The following COCH variants were observed in gnomAD, a reference collection of about 807,000 sequenced individuals.
The protein encoded by COCH is cochlin, also known as coagulation factor C homolog, cochlin (Limulus polyphemus).
A neutral mutation model predicts 54.8 loss-of-function variants in COCH; 40 were observed. The observed-to-expected ratio is 0.73, with a 90% CI of 0.57 to 0.95. The LOEUF (loss-of-function observed/expected upper bound fraction) is 0.95. Ranked by LOEUF, COCH falls within the 40% of genes least tolerant of loss-of-function variation. The pLI is 0.00. For synonymous variants in COCH, 256 were observed against 237.9 expected (o/e 1.08, Z -0.70); for missense variants, 605 against 675.0 (o/e 0.90, Z 1.15).
Position 30,885,963 on chromosome 14 carries a change from C to G in COCH, c.1128C>G (p.Ser376Arg). ...VNIAFLIDGS[S>R]SVGDSNFRLM... ...TTGCCTTTCTAATTGATGGCTCCAG[C>G]AGTGTTGGAGATAGCAATTTCCGCC... The change falls in exon 11 of 12, where the codon AGC becomes AGG. Residue 376 changes from serine (S) to arginine (R), a missense_variant. Transcript: ENST00000396618. 6.2e-7 allele frequency: 1 copy of G among 1,614,186 alleles called. No individual in the cohort carries two copies. Among genetic ancestry groups the G allele is most frequent in the Non-Finnish European group, 8.5e-7 (1 of 1,180,024 alleles).
intron 8 of COCH, 42 bp downstream of exon 8, chr14:30,880,776 T>C: frequency 2.8e-6 from 4 of 1,450,396 alleles, no homozygotes; most frequent in Non-Finnish European, 3.9e-6. Context: ...AAAAAAATTA[T>C]TTTGTAATTG....
downstream of COCH, among the ~76,000 whole-genome samples, chr14:30,892,853 G>A (rs375734491): frequency 6.0e-5 from 9 of 150,898 alleles, no homozygotes; most frequent in African/African-American, 1.9e-4. Flanking sequence ...TTAGATTTTC[G>A]TCAATGACTA....
intron 4 of COCH, among the ~76,000 whole-genome samples, chr14:30,878,506 A>G (rs1895451700): frequency 6.6e-6 from 1 of 152,038 alleles, no homozygotes; most frequent in Admixed American, 6.6e-5. Context: ...AAAATACAAA[A>G]ATTAGCCAGG....
Position 30,880,695 on chromosome 14 carries a change from T to C in COCH, c.590T>C (p.Ile197Thr), listed in dbSNP as rs1401894446. 1.2e-6 allele frequency: 2 copies of C among 1,613,998 alleles called. No homozygotes were observed. The highest frequency in any genetic ancestry group is 1.1e-5 in the South Asian group (1 of 91,068). The change falls in exon 8 of 12, where the codon ATT (isoleucine) becomes ACT (threonine). Residue 197 changes from isoleucine to threonine, a missense_variant. By Grantham distance (89) the Ile-to-Thr change is moderately conservative. Coordinates refer to ENST00000396618, the MANE Select transcript of COCH (RefSeq NM_004086.3). ...FVGKVALMLGIGTEGPHVGLV... is the reference protein window; with the variant it reads ...FVGKVALMLGTGTEGPHVGLV... Reference sequence around the variant, plus strand: ...GGAAAAGTGGCTCTAATGTTGGGAATTGGAACAGAAGGACCACATGTGGGC... The same window carrying C: ...GGAAAAGTGGCTCTAATGTTGGGAACTGGAACAGAAGGACCACATGTGGGC...
chr14:30,891,831 T>A (rs1037590965), downstream of COCH, among the ~76,000 whole-genome samples: 9 of 152,206 alleles, frequency 5.9e-5, no homozygotes, highest in African/African-American at 2.2e-4. Context: ...GAACTGTAGG[T>A]TACTATCAAT....
chr14:30,893,149 ATT>A (rs754080275), downstream of COCH, among the ~76,000 whole-genome samples: 23,302 of 88,412 alleles, frequency 0.26, 1,269 homozygotes, highest in South Asian at 0.45. Flanking sequence ...AAAAACCACA[ATT>A]TTTTTTTTTT....
At position 30,879,467 on chromosome 14, in the gene COCH, A is replaced by T; in HGVS notation, c.418A>T (p.Thr140Ser). ...GGAGGCCACAGGACAAGCAGTGTCC[A>T]CAGCACATCCACCAACAGGTATGAA... Reference protein sequence around the residue: ...TQEATGQAVSTAHPPTGKRLK... With the variant: ...TQEATGQAVSSAHPPTGKRLK... The change falls in exon 6 of 12, where the codon ACA becomes TCA. Residue 140 changes from threonine (T) to serine (S), a missense_variant. By Grantham distance (58) the Thr-to-Ser change is moderately conservative (BLOSUM62 1). Coordinates refer to ENST00000396618, the MANE Select transcript of COCH (RefSeq NM_004086.3). 1 of 1,614,176 alleles carries T rather than the reference A, an allele frequency of 6.2e-7. No homozygotes were observed. Among genetic ancestry groups the T allele is most frequent in the Non-Finnish European group, 8.5e-7 (1 of 1,180,004 alleles).
chr14:30,895,471 G>A, downstream of COCH: 1 of 1,614,056 alleles, frequency 6.2e-7, no homozygotes, highest in Non-Finnish European at 8.5e-7. Context: ...CTTTTGACGA[G>A]TGGAAAGCAA....
intron 8 of COCH, among the ~76,000 whole-genome samples, chr14:30,882,218 C>T (rs1003721965): frequency 7.2e-6 from 1 of 138,316 alleles, no homozygotes; most frequent in African/African-American, 2.7e-5. Flanking sequence ...CAACCTCTGC[C>T]TCCTGGATTT....
chr14:30,882,965 T>C (rs1430549770), intron 8 of COCH, among the ~76,000 whole-genome samples: 2 of 152,242 alleles, frequency 1.3e-5, no homozygotes, highest in Admixed American at 6.5e-5. Flanking sequence ...GTGTGTAAGG[T>C]TGTATAAACA....
At chr14:30,884,768 C>T (rs1895724294) in intron 9 of COCH, 112 bp downstream of exon 9, 2 of 1,289,116 alleles carry the variant, frequency 1.6e-6, no homozygotes, top group Non-Finnish European at 2.2e-6. Flanking sequence ...CCTCCTGGAA[C>T]TGAAATCTTG....
rs530971307 is a variant in COCH at position 30,876,930 on chromosome 14, C to T, written c.83-642C>T. On this transcript the variant is annotated intron_variant, in intron 3 of 11. Transcript: ENST00000396618. ...CCTCCCACCTCAGCCTCTCCAGTGG[C>T]GGAGAGTACAGGCATGCACCACCAC... 6.6e-5 allele frequency among the ~76,000 whole-genome samples: 10 copies of T among 151,946 alleles called. No individual in the cohort carries two copies. The South Asian group carries it at 1.2e-3, about 19-fold the overall frequency.
chr14:30,892,500 T>C (rs1896006826), downstream of COCH, among the ~76,000 whole-genome samples: 1 of 152,096 alleles, frequency 6.6e-6, no homozygotes, highest in South Asian at 2.1e-4. Context: ...ACAAAAAAAA[T>C]GGTATTTAAA....
Position 30,877,550 on chromosome 14 carries a change from A to G in COCH, c.83-22A>G, listed in dbSNP as rs769550421. ...CCAAGAAGTCCTAAGAATGCTTACA[A>G]TATTATCTCCTTTTTCTTCAGCTCC... On this transcript the variant is annotated intron_variant, in intron 3 of 11. Transcript: ENST00000396618. This position sits in a 1 kb window ranked among gnomAD's most constrained non-coding sequence, Gnocchi z 8.6. 6.2e-7 allele frequency: 1 copy of G among 1,613,638 alleles called. No individual in the cohort carries two copies. Among genetic ancestry groups the G allele is most frequent in the Non-Finnish European group, 8.5e-7 (1 of 1,180,026 alleles).
rs188655455 is a variant in COCH, at chr14:30,877,251, T to C, written c.83-321T>C. The stretch of plus-strand genomic sequence containing the variant: ...ACCTGTAATCCCAGCTACTAGGGAG[T>C]TGGAGGTGGATCACTTGAGCTCGGG... On this transcript the variant is annotated intron_variant, in intron 3 of 11. Coordinates refer to ENST00000396618, the MANE Select transcript of COCH (RefSeq NM_004086.3). This position sits in a 1 kb window ranked among gnomAD's most constrained non-coding sequence, Gnocchi z 8.6. The C allele has an allele frequency of 1.7e-3, 592 of 344,034 alleles. 2 individuals carry two copies. The highest frequency in any genetic ancestry group is 0.011 in the African/African-American group (525 of 47,174). The allele number at this position is 344,034 out of a possible 1,614,324, so 21.3% of individuals were successfully genotyped here.
At chr14:30,885,694 G>C in intron 10 of COCH, 74 bp downstream of exon 10, 1 of 1,499,944 alleles carries the variant, frequency 6.7e-7, no homozygotes, top group Non-Finnish European at 9.3e-7. Context: ...AGTGCTGACT[G>C]CCTCTTATCT....
downstream of COCH, chr14:30,894,564 T>C (rs1310179529): frequency 3.3e-5 from 5 of 152,802 alleles, no homozygotes; most frequent in Non-Finnish European, 7.3e-5. Context: ...AAGAGTTCAT[T>C]TGGAGTACTA....
chr14:30,883,888 C>G (rs1451554772), intron 8 of COCH, among the ~76,000 whole-genome samples: 1 of 152,122 alleles, frequency 6.6e-6, no homozygotes, highest in African/African-American at 2.4e-5. Context: ...AAGAAAAACT[C>G]AATATTGTAA....
intron 10 of COCH, 53 bp from the exon 11 acceptor site, chr14:30,885,743 G>A (rs1264206167): frequency 1.2e-6 from 2 of 1,606,508 alleles, no homozygotes; most frequent in African/African-American, 2.7e-5. Flanking sequence ...CAGTTTTTAA[G>A]AAGAAACAAC....
Sources: allele counts gnomAD v4.1 joint callset (sites outside exome capture counted in the v4.1 genomes callset), GRCh38; gene constraint gnomAD v4.1.1; non-coding constraint Gnocchi (gnomAD v3.1); transcripts MANE v1.5; gene names NCBI Gene and HGNC (gene_info 2026-07-23, HGNC 2026-07-21).